The following ARAP1 variants were observed in gnomAD, a reference collection of about 807,000 sequenced individuals.
ARAP1 encodes arf-GAP with Rho-GAP domain, ANK repeat and PH domain-containing protein 1.
A neutral mutation model predicts 172.2 loss-of-function variants in ARAP1; 76 were observed. The observed-to-expected ratio is 0.44, with a 90% confidence interval of 0.37 to 0.53. The LOEUF is 0.53. ARAP1 is among the 20% of genes least tolerant of loss of function. The pLI is 0.00. For synonymous variants in ARAP1, 804 were observed against 803.3 expected (o/e 1.00, Z -0.01); for missense variants, 1,686 against 1,977.5 (o/e 0.85, Z 2.80).
intron 32 of ARAP1, 49 bp from the exon 33 acceptor site, chr11:72,687,551 AGGGAACACCGTGTCT>A (rs761780393): frequency 6.2e-7 from 1 of 1,613,792 alleles, no homozygotes; most frequent in East Asian, 2.2e-5. Flanking sequence ...CTGACTGAGC[AGGGAACACCGTGTCT>A]GCCTTCCCAG....
intron 8 of ARAP1, 92 bp from the exon 9 acceptor site, chr11:72,711,233 G>C: frequency 1.9e-6 from 3 of 1,560,578 alleles, no homozygotes; most frequent in Non-Finnish European, 2.6e-6. Context: ...CCTGTCTCCT[G>C]CAGCTGGTTA....
chr11:72,744,540 A>G (rs1385679680), intron 1 of ARAP1, among the ~76,000 whole-genome samples: 1 of 152,106 alleles, frequency 6.6e-6, no homozygotes, highest in Non-Finnish European at 1.5e-5. Flanking sequence ...TCAACCTTCC[A>G]CATTTCTAGA....
chr11:72,714,826 G>C (rs868140581), intron 3 of ARAP1, among the ~76,000 whole-genome samples: 1 of 152,138 alleles, frequency 6.6e-6, no homozygotes, highest in Non-Finnish European at 1.5e-5. Context: ...CTCTTGCCCA[G>C]ATTTGGATAT....
At chr11:72,714,787 T>C (rs765239464) in intron 3 of ARAP1, among the ~76,000 whole-genome samples, 1 of 152,150 alleles carries the variant, frequency 6.6e-6, no homozygotes, top group Non-Finnish European at 1.5e-5. Context: ...AGGCCCTGAA[T>C]TGTGGGTCTC....
rs371082310 is a variant in ARAP1 at position 72,711,138 on chromosome 11, C to T, written c.1096G>A (p.Ala366Thr). 1.5e-5 allele frequency: 24 copies of T among 1,614,070 alleles called. No homozygotes were observed. The highest frequency in any genetic ancestry group is 1.6e-4 in the Middle Eastern group (1 of 6,084). Residue 366 changes from alanine to threonine, a missense_variant, in exon 9 of 35, where the codon GCT becomes ACT. Around this residue, in one of 5 missense-constraint regions of ARAP1, gnomAD observed 688 missense variants for 856.9 expected, o/e 0.80. Coordinates refer to ENST00000393609, the MANE Select transcript of ARAP1 (RefSeq NM_001040118.3). ...HLRYFDSNKDAYSKRFISVAC... is the reference protein window; with the variant it reads ...HLRYFDSNKDTYSKRFISVAC... ...ACAGAGATAAAGCGCTTAGAGTAAG[C>T]GTCCTGGGGGAGAGACAGGAACTAT...
chr11:72,704,903 C>T (rs1288128892), intron 13 of ARAP1: 2 of 155,878 alleles, frequency 1.3e-5, no homozygotes, highest in Admixed American at 1.2e-4. Context: ...GCTGGAGTCA[C>T]AGCACAGAAC....
rs763113037 is a variant in ARAP1, at chr11:72,712,266, G to A, written c.952C>T (p.Pro318Ser). Residue 318 changes from proline (P) to serine (S), a missense_variant, in exon 7 of 35, where the codon CCG becomes TCG. Around this residue, in one of 5 missense-constraint regions of ARAP1, gnomAD observed 688 missense variants for 856.9 expected, o/e 0.80. Transcript: ENST00000393609. The part of the protein sequence containing the change: ...TIAAPHPMDG[P>S]PGGSTPVTPV... ...GTGACGGGGGTGGAGCCCCCAGGCG[G>A]CCCGTCCATGGGGTGTGGCGCAGCT... 3 of 1,603,260 alleles carry A rather than the reference G, an allele frequency of 1.9e-6. No individual in the cohort carries two copies. The highest frequency in any genetic ancestry group is 2.6e-6 in the Non-Finnish European group (3 of 1,174,450).
intron 1 of ARAP1, among the ~76,000 whole-genome samples, chr11:72,745,910 A>G (rs1858352391): frequency 6.6e-6 from 1 of 152,138 alleles, no homozygotes. Context: ...CCCAGACAGC[A>G]CGGGAAACAG....
intron 23 of ARAP1, 136 bp from the exon 24 acceptor site, chr11:72,696,001 T>C (rs1175833712): frequency 8.7e-7 from 1 of 1,146,654 alleles, no homozygotes; most frequent in African/African-American, 1.6e-5. Flanking sequence ...ACAGTTTTTC[T>C]GGCCATATCT....
At position 72,701,770 on chromosome 11, in the gene ARAP1, C is replaced by A. The variant is rs777440028; in HGVS notation, c.2181G>T (p.Leu727=). Residue 727 remains leucine, a synonymous_variant, in exon 16 of 35, where the codon CTG becomes CTT. Coordinates refer to ENST00000393609, the MANE Select transcript of ARAP1 (RefSeq NM_001040118.3). ...GCTTTTCCAGGGGCTTCATCGAGTC[C>A]AGCCGAGGCACCTCTTTGTAGGCGG... is the stretch of plus-strand genomic sequence containing the variant. ...RNNRTTEVPR[L]DSMKPLEKHY... The A allele has an allele frequency of 7.4e-6, 12 of 1,613,558 alleles. No homozygotes were observed. In the Middle Eastern group the frequency reaches 4.9e-4, roughly 66 times the overall value.
At position 72,747,855 on chromosome 11, in the gene ARAP1, C is replaced by T. The variant is rs565932006; in HGVS notation, c.-128+4473G>A. 3.9e-5 allele frequency among the ~76,000 whole-genome samples: 6 copies of T among 152,346 alleles called. No homozygotes were observed. In the South Asian group the frequency reaches 1.2e-3, roughly 32 times the overall value. Reference sequence around the variant, plus strand: ...TGTACCCTTGAGGGCACCCCAGATCCACAGTTGGTCACCAGCAATGTCACC... The same window carrying T: ...TGTACCCTTGAGGGCACCCCAGATCTACAGTTGGTCACCAGCAATGTCACC... On this transcript the variant is annotated intron_variant, in intron 1 of 34. Coordinates refer to ENST00000393609, the MANE Select transcript of ARAP1 (RefSeq NM_001040118.3).
chr11:72,704,426 G>T, intron 13 of ARAP1, 92 bp from the exon 14 acceptor site: 1 of 1,349,782 alleles, frequency 7.4e-7, no homozygotes. Context: ...TAGGAAAGGG[G>T]CTGGGAGAGC....
At chr11:72,687,647 C>T (rs376069265) in intron 32 of ARAP1, 41 bp downstream of exon 32, 31 of 1,613,986 alleles carry the variant, frequency 1.9e-5, no homozygotes, top group South Asian at 1.1e-4. Flanking sequence ...GTGCCACCAT[C>T]TTTCCTCAGC....
intron 18 of ARAP1, 77 bp downstream of exon 18, chr11:72,698,928 G>A (rs753727508): frequency 1.9e-5 from 27 of 1,437,620 alleles, no homozygotes; most frequent in Non-Finnish European, 2.6e-5. Context: ...GGGGAGCTGG[G>A]ATACATGGGA....
intron 3 of ARAP1, among the ~76,000 whole-genome samples, chr11:72,718,358 C>T (rs991664083): frequency 6.6e-6 from 1 of 152,016 alleles, no homozygotes; most frequent in Non-Finnish European, 1.5e-5. Context: ...GTAGGCCCCG[C>T]TCCAATCCCG....
At chr11:72,709,707 A>G (rs1856922645) in intron 11 of ARAP1, 163 bp downstream of exon 11, 2 of 718,852 alleles carry the variant, frequency 2.8e-6, no homozygotes, top group Non-Finnish European at 4.9e-6. Context: ...GAAGGAGATC[A>G]GAGAGGGTTA....
Position 72,695,489 on chromosome 11 carries a change from G to T in ARAP1, c.3508-34C>A. The T allele has an allele frequency of 1.2e-6, 2 of 1,614,216 alleles. No individual in the cohort carries two copies. The highest frequency in any genetic ancestry group is 2.2e-5 in the South Asian group (2 of 91,088). ...AGACAGGGCTCAGCTGGGGGCCTAG[G>T]AAATGGGTGCAGGTGGCAGGTCCAA... On this transcript the variant is annotated intron_variant, in intron 25 of 34. Transcript: ENST00000393609. The surrounding 1 kb of genome is among the most constrained non-coding windows in gnomAD (Gnocchi z 4.4).
intron 16 of ARAP1, 133 bp downstream of exon 16, chr11:72,701,516 C>T (rs1198903786): frequency 1.5e-6 from 2 of 1,294,156 alleles, no homozygotes; most frequent in Non-Finnish European, 2.1e-6. Context: ...CTACTGTGTA[C>T]CACAGACTAT....
At chr11:72,738,959 A>G (rs1274550145) in intron 1 of ARAP1, among the ~76,000 whole-genome samples, 1 of 151,796 alleles carries the variant, frequency 6.6e-6, no homozygotes, top group East Asian at 1.9e-4. Flanking sequence ...ATACCTCTGC[A>G]TAGGGCCTCT....
Sources: allele counts gnomAD v4.1 joint callset (sites outside exome capture counted in the v4.1 genomes callset), GRCh38; gene constraint gnomAD v4.1.1; regional missense constraint gnomAD v4.1.1; non-coding constraint Gnocchi (gnomAD v3.1); transcripts MANE v1.5; gene names NCBI Gene and HGNC (gene_info 2026-07-23, HGNC 2026-07-21).